Variants in SAMD5 observed in about 807,000 individuals in gnomAD.
The protein encoded by SAMD5 is sterile alpha motif domain-containing protein 5.
A neutral mutation model predicts 11.3 loss-of-function variants in SAMD5; 13 were observed. That is an observed-to-expected ratio of 1.15 (90% CI 0.75 to 1.83). The LOEUF is 1.83. Among genes scored for constraint, SAMD5 ranks in the 40% most tolerant of loss-of-function variants. The pLI is 0.00. For synonymous variants in SAMD5, 129 were observed against 111.3 expected, an observed-to-expected ratio of 1.16 and a Z score of -1.00; for missense variants, 255 against 239.1, an observed-to-expected ratio of 1.07 and a Z score of -0.44.
the SAMD5 span, among the ~76,000 whole-genome samples, chr6:147,745,462 G>A: frequency 6.6e-6 from 1 of 152,280 alleles, no homozygotes; most frequent in South Asian, 2.1e-4. Flanking sequence ...AACTTGATGA[G>A]GTAGGTCCGA....
intron 1 of SAMD5, among the ~76,000 whole-genome samples, chr6:147,541,920 C>T (rs1482881939): frequency 6.6e-6 from 1 of 152,116 alleles, no homozygotes; most frequent in African/African-American, 2.4e-5. Context: ...TAGACAGACA[C>T]CCCATAGTGG....
At chr6:147,686,357 G>A (rs763146091) in intron 1 of SAMD5, among the ~76,000 whole-genome samples, 1 of 152,040 alleles carries the variant, frequency 6.6e-6, no homozygotes, top group Non-Finnish European at 1.5e-5. Context: ...CAGTTCCAAG[G>A]TCACAAAGAC....
intron 1 of SAMD5, among the ~76,000 whole-genome samples, chr6:147,620,997 C>CAT (rs1562335524): frequency 6.4e-4 from 95 of 147,954 alleles, no homozygotes; most frequent in Non-Finnish European, 1.1e-3. Context: ...TGTGCGCGCG[C>CAT]GCACATGCGC....
rs113462461 is a variant in SAMD5 at position 147,611,558 on chromosome 6, G to A, written c.162+102171G>A. On this transcript the variant is annotated intron_variant, in intron 1 of 1. Transcript: ENST00000566741. ...AGCCTGGGTGACAGAACAAGACTCC[G>A]TCTCTTAAAATCAAATAAATAAATA... is the stretch of plus-strand genomic sequence containing the variant. Among the ~76,000 whole-genome samples, 852 of 152,106 alleles carry A rather than the reference G, an allele frequency of 5.6e-3. 9 individuals are homozygous for A. Among genetic ancestry groups the A allele is most frequent in the African/African-American group, 0.02 (816 of 41,502 alleles).
intron 1 of SAMD5, among the ~76,000 whole-genome samples, chr6:147,601,853 A>T (rs1451692924): frequency 3.9e-5 from 6 of 152,168 alleles, no homozygotes; most frequent in Non-Finnish European, 7.3e-5. Flanking sequence ...TTTCATGAAG[A>T]AGCAGCTGCC....
At chr6:147,562,721 C>T (rs1788971382) in intron 1 of SAMD5, among the ~76,000 whole-genome samples, 1 of 152,046 alleles carries the variant, frequency 6.6e-6, no homozygotes, top group African/African-American at 2.4e-5. Context: ...ATTCGGGAGG[C>T]TGAGGCAGGA....
At chr6:147,605,952 G>C (rs1789693484) in intron 1 of SAMD5, among the ~76,000 whole-genome samples, 1 of 151,832 alleles carries the variant, frequency 6.6e-6, no homozygotes, top group African/African-American at 2.4e-5. Flanking sequence ...CCCAGAGCAG[G>C]GTTGGCACAC....
the SAMD5 span, among the ~76,000 whole-genome samples, chr6:147,776,640 C>G: frequency 4.6e-5 from 7 of 152,270 alleles, no homozygotes; most frequent in African/African-American, 1.4e-4. Context: ...GATTTTTCTC[C>G]CCTACCATCT....
At chr6:147,654,136 G>A (rs1201942893) in intron 1 of SAMD5, among the ~76,000 whole-genome samples, 1 of 152,026 alleles carries the variant, frequency 6.6e-6, no homozygotes, top group African/African-American at 2.4e-5. Context: ...ATAAAATCCT[G>A]TTAGGGATTT....
chr6:147,779,738 G>A, the SAMD5 span, among the ~76,000 whole-genome samples: 11 of 152,278 alleles, frequency 7.2e-5, no homozygotes, highest in South Asian at 2.3e-3. Flanking sequence ...AGCACTATAT[G>A]TATACTGAAG....
chr6:147,804,695 C>G, the SAMD5 span, among the ~76,000 whole-genome samples: 2 of 152,178 alleles, frequency 1.3e-5, no homozygotes, highest in Non-Finnish European at 2.9e-5. Flanking sequence ...GGGGTAGTAT[C>G]TCGTTTCTTA....
the SAMD5 span, among the ~76,000 whole-genome samples, chr6:147,787,901 G>A: frequency 6.6e-6 from 1 of 152,174 alleles, no homozygotes; most frequent in Non-Finnish European, 1.5e-5. Context: ...GGCTCATTTG[G>A]CCATTTAAAG....
chr6:147,621,230 A>C (rs1304096147), intron 1 of SAMD5, among the ~76,000 whole-genome samples: 8 of 152,194 alleles, frequency 5.3e-5, no homozygotes, highest in Admixed American at 5.2e-4. Flanking sequence ...ACCTTGGAGA[A>C]AGCTTATGAA....
chr6:147,788,675 A>G, the SAMD5 span, among the ~76,000 whole-genome samples: 7 of 152,228 alleles, frequency 4.6e-5, no homozygotes, highest in Middle Eastern at 3.2e-3. Context: ...GAATAGCTCT[A>G]GAAAATATTA....
rs921349744 is a variant in SAMD5, at chr6:147,717,844, C to G, written c.163-19473C>G. The stretch of plus-strand genomic sequence containing the variant: ...CCAGCCTGGGTGACAGAGCAAAACT[C>G]TGTCTCAAAAACACAAAACAAAACA... On this transcript the variant is annotated intron_variant, in intron 1 of 1. Coordinates refer to the SAMD5 transcript ENST00000566741. Among the ~76,000 whole-genome samples, 4 of 150,422 alleles carry G rather than the reference C, an allele frequency of 2.7e-5. No homozygotes were observed. In the South Asian group the frequency reaches 8.4e-4, roughly 31 times the overall value.
At chr6:147,673,728 C>T (rs1017299254) in intron 1 of SAMD5, among the ~76,000 whole-genome samples, 3 of 151,650 alleles carry the variant, frequency 2.0e-5, no homozygotes, top group Non-Finnish European at 4.4e-5. Flanking sequence ...AAATTAAGAA[C>T]CTTAAACATC....
At chr6:147,622,634 G>A (rs1208151614) in intron 1 of SAMD5, among the ~76,000 whole-genome samples, 1 of 152,182 alleles carries the variant, frequency 6.6e-6, no homozygotes, top group African/African-American at 2.4e-5. Context: ...CTCATCCCTG[G>A]TGAAAATGGG....
chr6:147,809,668 G>T, the SAMD5 span, among the ~76,000 whole-genome samples: 2 of 152,186 alleles, frequency 1.3e-5, no homozygotes, highest in Non-Finnish European at 2.9e-5. Context: ...CCTTGTAGAT[G>T]TTGATTTCAC....
chr6:147,712,348 G>T (rs1791411852), intron 1 of SAMD5, among the ~76,000 whole-genome samples: 1 of 152,110 alleles, frequency 6.6e-6, no homozygotes, highest in African/African-American at 2.4e-5. Context: ...TATTATTTGT[G>T]TTCTAGACTT....
Sources: gnomAD v4.1 joint callset for allele counts (sites outside exome capture counted in the v4.1 genomes callset) on GRCh38, gnomAD v4.1.1 for gene constraint, MANE v1.5 for transcripts, NCBI Gene and HGNC (gene_info 2026-07-23, HGNC 2026-07-21) for gene names.